The following TLN2 variants were observed in gnomAD, a reference collection of about 807,000 sequenced individuals.
The protein encoded by TLN2 is talin-2.
TLN2 carries 118 observed loss-of-function variants against 294.7 expected under a neutral mutation model. The observed-to-expected ratio is 0.40, with a 90% CI of 0.34 to 0.47. The LOEUF is 0.47. Ranked by LOEUF, TLN2 falls within the 20% of genes least tolerant of loss-of-function variation. The pLI, the probability that TLN2 is intolerant of heterozygous loss-of-function variation, is 0.84. For missense variants in TLN2, 3,083 were observed against 3,282.2 expected, an observed-to-expected ratio of 0.94 and a Z score of 1.48; for synonymous variants, 1,431 against 1,304.5, an observed-to-expected ratio of 1.10 and a Z score of -2.09.
chr15:62,655,890 TTAA>T, intron 7 of TLN2, 51 bp from the exon 8 acceptor site: 2 of 1,602,258 alleles, frequency 1.2e-6, no homozygotes, highest in Non-Finnish European at 1.7e-6. Context: ...TAAATTCCCT[TTAA>T]TTAACAGGAA....
At chr15:62,625,768 C>T (rs1421929988) in intron 3 of TLN2, among the ~76,000 whole-genome samples, 1 of 152,192 alleles carries the variant, frequency 6.6e-6, no homozygotes, top group Non-Finnish European at 1.5e-5. Context: ...TTCTGGGCTT[C>T]TGTGTTGCCA....
chr15:62,580,176 G>T (rs907922881), intron 1 of TLN2, among the ~76,000 whole-genome samples: 2 of 152,226 alleles, frequency 1.3e-5, no homozygotes, highest in East Asian at 3.9e-4. Flanking sequence ...AAAATATTTT[G>T]TTTATTTTTA....
intron 1 of TLN2, among the ~76,000 whole-genome samples, chr15:62,416,026 C>G (rs1227072501): frequency 6.6e-6 from 1 of 152,220 alleles, no homozygotes; most frequent in Non-Finnish European, 1.5e-5. Context: ...TGGTTGGGCA[C>G]AGTGGCTCAT....
chr15:62,586,969 A>T (rs2045658518), intron 1 of TLN2, among the ~76,000 whole-genome samples: 1 of 152,230 alleles, frequency 6.6e-6, no homozygotes, highest in Non-Finnish European at 1.5e-5. Flanking sequence ...GTATGGGATG[A>T]TTGAGAAGAT....
chr15:62,747,423 A>G (rs1328866146), intron 32 of TLN2, among the ~76,000 whole-genome samples: 3 of 152,218 alleles, frequency 2.0e-5, no homozygotes, highest in Admixed American at 6.5e-5. Flanking sequence ...GAACCAGTCA[A>G]TCATATAGAA....
In TLN2 at chr15:62,640,448, C is replaced by T. The variant is rs750917364; in HGVS notation, c.-36-6827C>T. The T allele has an allele frequency of 1.9e-4, 81 of 434,372 alleles. No homozygotes were observed. In the East Asian group the frequency reaches 3.4e-3, roughly 18 times the overall value. The allele number at this position is 434,372 out of a possible 1,614,324, so 26.9% of individuals were successfully genotyped here. A position where few individuals can be genotyped will look rare whatever the true frequency, so the allele number is the denominator to read the frequency against. ...CCCATTGAGGTATGGTAGCCTGGCC[C>T]TCTGGTCTTGCCAGGTGGGCACAAA... On this transcript the variant is annotated intron_variant, in intron 3 of 58. Transcript: ENST00000636159.
chr15:62,796,015 A>T, intron 46 of TLN2, 112 bp from the exon 47 acceptor site: 1 of 1,366,944 alleles, frequency 7.3e-7, no homozygotes, highest in Non-Finnish European at 9.9e-7. Context: ...GTGTGTTGTT[A>T]ACCTCTAAGC....
intron 1 of TLN2, among the ~76,000 whole-genome samples, chr15:62,427,707 G>A (rs1355951956): frequency 6.6e-6 from 1 of 152,132 alleles, no homozygotes; most frequent in Non-Finnish European, 1.5e-5. Flanking sequence ...GTCTCTCTGG[G>A]GCAGTTGGCA....
intron 1 of TLN2, among the ~76,000 whole-genome samples, chr15:62,478,779 T>C (rs1362953507): frequency 6.6e-6 from 1 of 152,224 alleles, no homozygotes; most frequent in Non-Finnish European, 1.5e-5. Context: ...CAGAGTTATT[T>C]CGTCTATTTT....
chr15:62,825,828 TA>T lies in TLN2; in HGVS notation c.7002+5220del, dbSNP rs1482665614. 6.4e-3 allele frequency among the ~76,000 whole-genome samples: 93 copies of T among 14,516 alleles called. 2 individuals carry two copies. Among genetic ancestry groups the T allele is most frequent in the East Asian group, 0.014 (5 of 370 alleles). 9.5% of individuals were successfully genotyped at this position (14,516 alleles called of 152,430 possible). On this transcript the variant is annotated intron_variant, in intron 54 of 58. Coordinates refer to ENST00000636159, the MANE Select transcript of TLN2 (RefSeq NM_015059.3). ...ATATATTATATTATAATATATATTA[TA>T]ATATATAATATATATAAATATATTA...
At chr15:62,396,851 T>C (rs1022184230) in intron 1 of TLN2, among the ~76,000 whole-genome samples, 14 of 152,246 alleles carry the variant, frequency 9.2e-5, no homozygotes, top group African/African-American at 3.4e-4. Context: ...ATTAAGGGCA[T>C]GCGCCACCAC....
intron 17 of TLN2, among the ~76,000 whole-genome samples, chr15:62,701,612 G>T (rs962669826): frequency 6.6e-6 from 1 of 152,188 alleles, no homozygotes; most frequent in Non-Finnish European, 1.5e-5. Flanking sequence ...TTCTGGCACA[G>T]TGTGGCTCCC....
chr15:62,603,364 C>G (rs2047158559), intron 2 of TLN2, among the ~76,000 whole-genome samples: 1 of 152,134 alleles, frequency 6.6e-6, no homozygotes, highest in African/African-American at 2.4e-5. Context: ...TTAAGCAAGG[C>G]ATACTCTATG....
chr15:62,758,041 G>A (rs1280634704), intron 37 of TLN2, among the ~76,000 whole-genome samples: 3 of 152,172 alleles, frequency 2.0e-5, no homozygotes, highest in East Asian at 3.8e-4. Context: ...CTTAAGACAG[G>A]TGCCCTGATA....
chr15:62,491,312 G>T (rs1236994437), intron 1 of TLN2, among the ~76,000 whole-genome samples: 1 of 144,818 alleles, frequency 6.9e-6, no homozygotes, highest in Non-Finnish European at 1.5e-5. Context: ...GAGTGACAGA[G>T]CAAGACTCTG....
chr15:62,740,985 A>C (rs755604686), intron 32 of TLN2, among the ~76,000 whole-genome samples: 11 of 152,270 alleles, frequency 7.2e-5, no homozygotes, highest in African/African-American at 9.6e-5. Context: ...CTGTCTTCTC[A>C]TACAGCCTTT....
chr15:62,754,103 T>G (rs1387044162), intron 36 of TLN2, 187 bp downstream of exon 36: 2 of 805,406 alleles, frequency 2.5e-6, no homozygotes, highest in Non-Finnish European at 3.5e-6. Context: ...ATCTGGAAAT[T>G]TGTAAGTGCC....
chr15:62,805,723 G>A lies in TLN2; in HGVS notation c.6601G>A (p.Asp2201Asn), dbSNP rs757449736. The change falls in exon 51 of 59, where the codon GAC becomes AAC. Residue 2201 changes from aspartate (D) to asparagine (N), a missense_variant. By Grantham distance (23) the Asp-to-Asn change is conservative. Coordinates refer to ENST00000636159, the MANE Select transcript of TLN2 (RefSeq NM_015059.3). ...VAAGNSCRQE[D>N]VIATANLSRK... ...AGCTGGGAACTCATGTAGACAGGAGGACGTGATTGCTACTGCCAACCTGAG... is the reference window on the plus strand; with the variant it reads ...AGCTGGGAACTCATGTAGACAGGAGAACGTGATTGCTACTGCCAACCTGAG... 1.9e-6 allele frequency: 3 copies of A among 1,614,008 alleles called. No homozygotes were observed. Among genetic ancestry groups the A allele is most frequent in the East Asian group, 2.2e-5 (1 of 44,890 alleles).
chr15:62,765,898 C>A lies in TLN2; in HGVS notation c.5095-423C>A, dbSNP rs78415257. 4.1e-3 allele frequency among the ~76,000 whole-genome samples: 632 copies of A among 152,298 alleles called. 1 individual carries two copies. The highest frequency in any genetic ancestry group is 7.1e-3 in the Non-Finnish European group (482 of 68,040). ...TAATCTCATTTTTATGTCACTCTCC[C>A]TCCTTGAGGGGTTATTAGTTCTGAG... On this transcript the variant is annotated intron_variant, in intron 40 of 58. Coordinates refer to ENST00000636159, the MANE Select transcript of TLN2 (RefSeq NM_015059.3).
Sources: allele counts gnomAD v4.1 joint callset (sites outside exome capture counted in the v4.1 genomes callset), GRCh38; gene constraint gnomAD v4.1.1; transcripts MANE v1.5; gene names NCBI Gene and HGNC (gene_info 2026-07-23, HGNC 2026-07-21).